PLCG2: variants seen among roughly 807,000 people sequenced by gnomAD.
PLCG2 encodes the protein phospholipase C gamma 2.
Under a neutral mutation model 175.6 loss-of-function variants are expected in PLCG2, and 69 were observed. The observed-to-expected ratio is 0.39, with a 90% CI of 0.32 to 0.48. The LOEUF is 0.48. Ranked by LOEUF, PLCG2 falls within the 20% of genes least tolerant of loss-of-function variation. The probability of loss-of-function intolerance (pLI) is 0.91; values close to 1 mark genes in which losing one functional copy is unlikely to be tolerated. For missense variants in PLCG2, 1,798 were observed against 1,650.9 expected, an observed-to-expected ratio of 1.09 and a Z score of -1.54; for synonymous variants, 827 against 624.0, an observed-to-expected ratio of 1.33 and a Z score of -4.85.
At chr16:81,780,228 T>A (rs1910668443) in intron 1 of PLCG2, among the ~76,000 whole-genome samples, 1 of 152,126 alleles carries the variant, frequency 6.6e-6, no homozygotes, top group Non-Finnish European at 1.5e-5. Context: ...GAATTTCAGT[T>A]CCATCAGTGG....
intron 15 of PLCG2, among the ~76,000 whole-genome samples, chr16:81,907,198 C>CA (rs1909411676): frequency 6.6e-6 from 1 of 151,998 alleles, no homozygotes; most frequent in African/African-American, 2.4e-5. Flanking sequence ...ACCCTGCACC[C>CA]AGCCTCCTCT....
chr16:81,925,702 A>G (rs1910236233), intron 22 of PLCG2, among the ~76,000 whole-genome samples: 1 of 152,158 alleles, frequency 6.6e-6, no homozygotes, highest in Non-Finnish European at 1.5e-5. Flanking sequence ...AGCCTGGCCA[A>G]CCTGGTAAAA....
upstream of PLCG2, among the ~76,000 whole-genome samples, chr16:81,774,999 G>A (rs1174017892): frequency 2.0e-5 from 3 of 152,106 alleles, no homozygotes; most frequent in Non-Finnish European, 4.4e-5. Context: ...ACCCTCCTTA[G>A]CCTCCCAAAT....
chr16:81,801,104 G>T (rs1417465163), intron 2 of PLCG2, among the ~76,000 whole-genome samples: 1 of 152,158 alleles, frequency 6.6e-6, no homozygotes, highest in East Asian at 1.9e-4. Context: ...CGTCTCCAGA[G>T]CTGCAAGATA....
At chr16:81,929,582 G>C (rs550441843) in intron 24 of PLCG2, among the ~76,000 whole-genome samples, 2 of 152,306 alleles carry the variant, frequency 1.3e-5, no homozygotes, top group Admixed American at 6.5e-5. Flanking sequence ...TTTTAGTAGA[G>C]CTAGGGTTTC....
intron 24 of PLCG2, chr16:81,931,219 A>T (rs1023217968): frequency 1.2e-5 from 3 of 252,544 alleles, no homozygotes; most frequent in Admixed American, 5.4e-5. Context: ...GAGATCCTTA[A>T]CCTAAGTACA....
intron 13 of PLCG2, among the ~76,000 whole-genome samples, chr16:81,897,278 A>G (rs1908935292): frequency 6.6e-6 from 1 of 152,250 alleles, no homozygotes; most frequent in Non-Finnish European, 1.5e-5. Flanking sequence ...TTTCTGGGGT[A>G]GAATAGCAGT....
intron 2 of PLCG2, among the ~76,000 whole-genome samples, chr16:81,770,560 A>C (rs1910255984): frequency 6.6e-6 from 1 of 152,090 alleles, no homozygotes; most frequent in Non-Finnish European, 1.5e-5. Flanking sequence ...AAATAAATAC[A>C]AACATCTAGC....
At chr16:81,893,907 C>G (rs754859673) in intron 12 of PLCG2, 113 bp downstream of exon 12, 1 of 647,820 alleles carries the variant, frequency 1.5e-6, no homozygotes, top group Admixed American at 2.7e-5. Flanking sequence ...CACATAATAA[C>G]TGTGCATATT....
rs28464754 is a variant in PLCG2 at position 81,866,251 on chromosome 16, A to G, written c.480-2963A>G. On this transcript the variant is annotated intron_variant, in intron 5 of 32. Coordinates refer to ENST00000564138, the MANE Select transcript of PLCG2 (RefSeq NM_002661.5). ...TGGCCTCTCCCTTGCTCCCAGGATG[A>G]GCTCCACTGGGGCACCAGCATGAGA... Among the ~76,000 whole-genome samples the G allele has an allele frequency of 2.1e-3, 147 of 71,582 alleles. 2 individuals carry two copies. The highest frequency in any genetic ancestry group is 6.2e-3 in the African/African-American group (102 of 16,416). 47.0% of individuals were successfully genotyped at this position (71,582 alleles called of 152,430 possible). A position where few individuals can be genotyped will look rare whatever the true frequency, so the allele number is the denominator to read the frequency against.
chr16:81,930,800 TATATGTAACAACATAGAAAATTATGCACA>T (rs1377836488), intron 24 of PLCG2, among the ~76,000 whole-genome samples: 1 of 151,058 alleles, frequency 6.6e-6, no homozygotes, highest in Non-Finnish European at 1.5e-5. Flanking sequence ...TGTAAAAGAT[TATATGTAACAACATAGAAAATTATGCACA>T]ATATGCTAAG....
In PLCG2 at chr16:81,962,329, C is replaced by G. The variant is rs971465904; in HGVS notation, c.*4331C>G. 1.5e-5 allele frequency: 3 copies of G among 204,534 alleles called. No homozygotes were observed. The highest frequency in any genetic ancestry group is 3.0e-5 in the Non-Finnish European group (3 of 100,172). The allele number at this position is 204,534 out of a possible 1,614,324, so 12.7% of individuals were successfully genotyped here. On this transcript the variant is annotated 3_prime_UTR_variant, in exon 33 of 33. Transcript: ENST00000564138. The stretch of plus-strand genomic sequence containing the variant: ...ACCGTAAAAGCTATCTTCTAACCAA[C>G]AAAAAGTTAATAATTAGATTTGGAA...
intron 2 of PLCG2, among the ~76,000 whole-genome samples, chr16:81,814,994 A>G (rs1439086771): frequency 1.3e-5 from 2 of 152,200 alleles, no homozygotes; most frequent in African/African-American, 4.8e-5. Context: ...TACTTTTATT[A>G]TTATCAGGAC....
chr16:81,882,323 G>A (rs183966529), intron 8 of PLCG2, among the ~76,000 whole-genome samples: 186 of 152,188 alleles, frequency 1.2e-3, no homozygotes, highest in African/African-American at 4.3e-3. Flanking sequence ...TTCCCTACCT[G>A]ATACCTAACC....
chr16:81,871,444 T>C (rs193054730), intron 7 of PLCG2, among the ~76,000 whole-genome samples: 41 of 152,288 alleles, frequency 2.7e-4, no homozygotes, highest in Admixed American at 7.2e-4. Flanking sequence ...GTTCAAGCGA[T>C]TCTTGTGCCT....
intron 3 of PLCG2, chr16:81,857,795 A>G (rs1048170899): frequency 2.5e-5 from 4 of 157,798 alleles, no homozygotes; most frequent in African/African-American, 7.2e-5. Context: ...AATGGCTGCT[A>G]TGAGCTGTGT....
chr16:81,765,263 A>G (rs1910123128), intron 2 of PLCG2, among the ~76,000 whole-genome samples: 1 of 152,134 alleles, frequency 6.6e-6, no homozygotes, highest in Admixed American at 6.5e-5. Flanking sequence ...ACCAGAACAC[A>G]CAAAAGATTC....
intron 31 of PLCG2, among the ~76,000 whole-genome samples, chr16:81,953,644 A>G (rs536209096): frequency 6.6e-6 from 1 of 152,324 alleles, no homozygotes; most frequent in African/African-American, 2.4e-5. Flanking sequence ...AAATCCAGGA[A>G]ATAAGTATCA....
intron 1 of PLCG2, among the ~76,000 whole-genome samples, chr16:81,782,498 G>A (rs2143158290): frequency 6.6e-6 from 1 of 152,320 alleles, no homozygotes; most frequent in Non-Finnish European, 1.5e-5. Context: ...TGCCATAGTT[G>A]ATAAAGCGTG....
Sources: gnomAD v4.1 joint callset for allele counts (sites outside exome capture counted in the v4.1 genomes callset) on GRCh38, gnomAD v4.1.1 for gene constraint, MANE v1.5 for transcripts, NCBI Gene and HGNC (gene_info 2026-07-23, HGNC 2026-07-21) for gene names.